Variants in UPRT observed in about 807,000 individuals in gnomAD.
The protein encoded by UPRT is RP11-311P8.3.
UPRT carries 5 observed loss-of-function variants against 22.6 expected under a neutral mutation model. That is an observed-to-expected ratio of 0.22 (90% CI 0.12 to 0.47). The LOEUF (loss-of-function observed/expected upper bound fraction) is 0.47, where lower values mean the gene tolerates loss of function less well. Ranked by LOEUF, UPRT falls within the 20% of genes least tolerant of loss-of-function variation. UPRT has a pLI of 0.99. For missense variants in UPRT, 181 were observed against 239.9 expected (o/e 0.75, Z 1.62); for synonymous variants, 77 against 87.7 (o/e 0.88, Z 0.68).
At chrX:75,217,866 C>T (rs1432472399) in intron 4 of UPRT, among the ~76,000 whole-genome samples, 1 of 112,073 alleles carries the variant, frequency 8.9e-6, no homozygotes, top group Admixed American at 9.5e-5. Context: ...CCCTTCCTTA[C>T]ACCTTATACA....
chrX:75,180,697 T>TTTTTTTTTTTTTTTTTTTTTTTG, intron 4 of UPRT, among the ~76,000 whole-genome samples: 2 of 14,956 alleles, frequency 1.3e-4, no homozygotes, highest in Non-Finnish European at 6.3e-4. Flanking sequence ...TTTTTTTTGT[T>TTTTTTTTTTTTTTTTTTTTTTTG]TTTTTTTTTT....
At chrX:75,254,329 TAAA>T (rs751463227) in intron 4 of UPRT, among the ~76,000 whole-genome samples, 1 of 111,189 alleles carries the variant, frequency 9.0e-6, no homozygotes, top group African/African-American at 3.3e-5. Flanking sequence ...ATAGCATAAA[TAAA>T]AAACAATCAA....
At chrX:75,240,397 G>GAAA (rs1569272210) in intron 4 of UPRT, among the ~76,000 whole-genome samples, 1 of 111,090 alleles carries the variant, frequency 9.0e-6, no homozygotes, top group East Asian at 2.8e-4. Flanking sequence ...TAACCAAAGA[G>GAAA]GTAAAATATC....
At chrX:75,181,308 T>A (rs2082269401) in intron 4 of UPRT, among the ~76,000 whole-genome samples, 1 of 111,906 alleles carries the variant, frequency 8.9e-6, no homozygotes, top group African/African-American at 3.2e-5. Context: ...CTTTGTTCTT[T>A]TTGTTTAGGA....
At chrX:75,189,817 TA>T (rs1160540865) in intron 4 of UPRT, among the ~76,000 whole-genome samples, 3 of 111,960 alleles carry the variant, frequency 2.7e-5, no homozygotes, top group Non-Finnish European at 5.6e-5. Flanking sequence ...TTGCCTTTTT[TA>T]TTCATTTTCT....
intron 4 of UPRT, among the ~76,000 whole-genome samples, chrX:75,244,529 A>G (rs2082497901): frequency 8.9e-6 from 1 of 111,978 alleles, no homozygotes; most frequent in Non-Finnish European, 1.9e-5. Flanking sequence ...GGCTACAGTA[A>G]CCAAAATAGC....
intron 4 of UPRT, among the ~76,000 whole-genome samples, chrX:75,268,000 T>C: frequency 9.0e-6 from 1 of 110,665 alleles, no homozygotes; most frequent in Middle Eastern, 4.7e-3. Context: ...ATCAACAAAT[T>C]AGACCGCTAG....
At chrX:75,196,042 GA>G (rs1188452220) in intron 4 of UPRT, among the ~76,000 whole-genome samples, 2 of 110,721 alleles carry the variant, frequency 1.8e-5, no homozygotes, top group East Asian at 2.8e-4. Context: ...TTTCCGTACT[GA>G]AAAAAAAAGT....
At chrX:75,279,931 ATAG>A (rs1477336518) in intron 1 of UPRT, among the ~76,000 whole-genome samples, 1 of 111,628 alleles carries the variant, frequency 9.0e-6, no homozygotes, top group African/African-American at 3.3e-5. Flanking sequence ...ATCACTTAGA[ATAG>A]TAATCTCTAA....
chrX:75,232,270 A>G (rs750068421), intron 4 of UPRT, among the ~76,000 whole-genome samples: 42 of 112,717 alleles, frequency 3.7e-4, no homozygotes, highest in Middle Eastern at 4.6e-3. Flanking sequence ...TATATCCCGC[A>G]CATGGCTCGG....
intron 4 of UPRT, among the ~76,000 whole-genome samples, chrX:75,231,632 C>G: frequency 9.0e-6 from 1 of 111,502 alleles, no homozygotes; most frequent in Admixed American, 9.5e-5. Context: ...AAGATCATCA[C>G]CTAGGAACAC....
chrX:75,250,299 T>C (rs1484712229), intron 4 of UPRT, among the ~76,000 whole-genome samples: 2 of 109,051 alleles, frequency 1.8e-5, no homozygotes, highest in Admixed American at 9.9e-5. Flanking sequence ...ATCAACAAAA[T>C]TGATAGACCA....
intron 4 of UPRT, among the ~76,000 whole-genome samples, chrX:75,233,711 A>C (rs966289241): frequency 1.8e-5 from 2 of 111,307 alleles, no homozygotes; most frequent in African/African-American, 6.5e-5. Context: ...GGAGAAATAA[A>C]ATCCTTTACA....
At chrX:75,237,305 G>A (rs1031169365) in intron 4 of UPRT, among the ~76,000 whole-genome samples, 11 of 111,898 alleles carry the variant, frequency 9.8e-5, no homozygotes, top group Admixed American at 9.4e-4. Context: ...AACAACAGGT[G>A]TTGGAGAGGA....
intron 1 of UPRT, among the ~76,000 whole-genome samples, chrX:75,279,620 A>AT (rs1166695340): frequency 2.7e-5 from 3 of 111,364 alleles, no homozygotes; most frequent in Middle Eastern, 4.6e-3. Flanking sequence ...CATTTGTTTT[A>AT]TTTTTTTAAA....
At chrX:75,289,770 A>G (rs1377416787) in intron 1 of UPRT, among the ~76,000 whole-genome samples, 1 of 112,127 alleles carries the variant, frequency 8.9e-6, no homozygotes, top group Non-Finnish European at 1.9e-5. Flanking sequence ...CAGAAGAATG[A>G]AACTGGACCC....
chrX:75,187,741 T>C (rs1170928343), intron 4 of UPRT, among the ~76,000 whole-genome samples: 3 of 111,849 alleles, frequency 2.7e-5, no homozygotes, highest in Non-Finnish European at 3.8e-5. Context: ...CTTTTTTCTC[T>C]AAACTTCCCT....
chrX:75,264,409 G>T (rs1388037141), intron 4 of UPRT, among the ~76,000 whole-genome samples: 2 of 111,783 alleles, frequency 1.8e-5, no homozygotes, highest in African/African-American at 6.5e-5. Context: ...GGGTGCTCCT[G>T]TATTGGGTGC....
rs757337042 is a variant in UPRT, at chrX:75,209,492, G to A, written c.-447+41613G>A. Among the ~76,000 whole-genome samples, 15 of 111,982 alleles carry A rather than the reference G, an allele frequency of 1.3e-4. 1 individual carries two copies. The South Asian group carries it at 5.3e-3, about 40-fold the overall frequency. On this transcript the variant is annotated intron_variant, in intron 4 of 13. Coordinates refer to the UPRT transcript ENST00000652605. ...GGGTTCAAGTGATTCTCCTGCCTCA[G>A]CCTCCCAAGTAGCTGGGATACAGGC... is the stretch of plus-strand genomic sequence containing the variant.
Sources: allele counts gnomAD v4.1 joint callset (sites outside exome capture counted in the v4.1 genomes callset), GRCh38; gene constraint gnomAD v4.1.1; transcripts MANE v1.5; gene names NCBI Gene and HGNC (gene_info 2026-07-23, HGNC 2026-07-21).